The following MOCS2 variants were observed in gnomAD, a reference collection of about 807,000 sequenced individuals.
MOCS2 encodes molybdopterin synthase catalytic subunit.
Under a neutral mutation model 21.9 loss-of-function variants are expected in MOCS2, and 13 were observed. The ratio of observed to expected loss-of-function variants is 0.59; its 90% CI spans 0.39 to 0.94. MOCS2 has a LOEUF of 0.94. MOCS2 is among the 40% of genes least tolerant of loss of function. The pLI is 0.00. For missense variants in MOCS2, 227 were observed against 218.3 expected, an observed-to-expected ratio of 1.04 and a Z score of -0.25; for synonymous variants, 92 against 80.8, an observed-to-expected ratio of 1.14 and a Z score of -0.74.
At chr5:53,099,452 C>T (rs1740844855) in intron 6 of MOCS2, among the ~76,000 whole-genome samples, 1 of 152,194 alleles carries the variant, frequency 6.6e-6, no homozygotes, top group Non-Finnish European at 1.5e-5. Flanking sequence ...CTCTGGGGGC[C>T]TGCCTCCTGT....
In MOCS2 at chr5:53,109,567, G is replaced by GGGGGCT; in HGVS notation, c.-487_-486insAGCCCC. 7.1e-7 allele frequency: 1 copy of GGGGGCT among 1,408,210 alleles called. No individual in the cohort carries two copies. Among genetic ancestry groups the GGGGGCT allele is most frequent in the Non-Finnish European group, 9.3e-7 (1 of 1,080,722 alleles). The allele number at this position is 1,408,210 out of a possible 1,614,324, so 87.2% of individuals were successfully genotyped here. A position where few individuals can be genotyped will look rare whatever the true frequency, so the allele number is the denominator to read the frequency against. ...AGGGCCCGGGGGCGGGGGCGGGGGC[G>GGGGGCT]CCCCCGAACCCAAGACGCCGGCCAG... On this transcript the variant is annotated 5_prime_UTR_variant, in exon 1 of 7. Transcript: ENST00000396954.
At position 53,098,652 on chromosome 5, in the gene MOCS2, A is replaced by C. The variant is rs1740821638; in HGVS notation, c.517T>G (p.Ser173Ala). The change falls in exon 7 of 7, where the codon TCA (serine) becomes GCA (alanine). Residue 173 changes from serine to alanine, a missense_variant. Coordinates refer to ENST00000396954, the MANE Select transcript of MOCS2 (RefSeq NM_004531.5). ...PIWKKEIYEE[S>A]STWKGNKECF... The stretch of plus-strand genomic sequence containing the variant: ...TCTTTGTTTCCTTTCCAAGTTGATG[A>C]CTCTTCGTATATTTCCTAAAAAACA... The C allele has an allele frequency of 6.2e-7, 1 of 1,613,578 alleles. No homozygotes were observed. Among genetic ancestry groups the C allele is most frequent in the Non-Finnish European group, 8.5e-7 (1 of 1,179,582 alleles).
chr5:53,098,557 A>G lies in MOCS2; in HGVS notation c.*45T>C, dbSNP rs758693546. 31 of 1,512,608 alleles carry G rather than the reference A, an allele frequency of 2.0e-5. No individual in the cohort carries two copies. Among genetic ancestry groups the G allele is most frequent in the Non-Finnish European group, 2.8e-5 (30 of 1,087,788 alleles). 93.7% of individuals were successfully genotyped at this position (1,512,608 alleles called of 1,614,324 possible). ...AAAAATCAAAATGTGATCAATAATA[A>G]TAGTTTAACAAAGTTAAGATTGCAT... On this transcript the variant is annotated 3_prime_UTR_variant, in exon 7 of 7. Coordinates refer to ENST00000396954, the MANE Select transcript of MOCS2 (RefSeq NM_004531.5).
intron 2 of MOCS2, chr5:53,107,483 A>G: frequency 4.5e-6 from 2 of 446,040 alleles, no homozygotes; most frequent in South Asian, 5.0e-5. Context: ...AAAATGCACA[A>G]AAAACCCACC....
chr5:53,109,492 A>C lies in MOCS2; in HGVS notation c.-411T>G. ...GCCGTGAGCTGACAAGAGTTCTCGGAGAGGACCCGACTTCTGCTGGGGCAG... is the reference window on the plus strand; with the variant it reads ...GCCGTGAGCTGACAAGAGTTCTCGGCGAGGACCCGACTTCTGCTGGGGCAG... On this transcript the variant is annotated 5_prime_UTR_variant, in exon 1 of 7. Transcript: ENST00000396954. The C allele has an allele frequency of 7.5e-7, 1 of 1,324,524 alleles. No individual in the cohort carries two copies. The highest frequency in any genetic ancestry group is 9.6e-7 in the Non-Finnish European group (1 of 1,041,328). 82.0% of individuals were successfully genotyped at this position (1,324,524 alleles called of 1,614,324 possible). A position where few individuals can be genotyped will look rare whatever the true frequency, so the allele number is the denominator to read the frequency against.
In MOCS2 at chr5:53,108,611, T is replaced by C; in HGVS notation, c.-137A>G. On this transcript the variant is annotated 5_prime_UTR_variant, in exon 2 of 7. Coordinates refer to ENST00000396954, the MANE Select transcript of MOCS2 (RefSeq NM_004531.5). Reference sequence around the variant, plus strand: ...TGGTCTCTGAACGAACTCCTGTTATTTCAGCACTTTTTGCAAAATACAATA... The same window carrying C: ...TGGTCTCTGAACGAACTCCTGTTATCTCAGCACTTTTTGCAAAATACAATA... 1 of 1,613,700 alleles carries C rather than the reference T, an allele frequency of 6.2e-7. No homozygotes were observed. Among genetic ancestry groups the C allele is most frequent in the South Asian group, 1.1e-5 (1 of 91,044 alleles).
At position 53,098,490 on chromosome 5, in the gene MOCS2, T is replaced by G; in HGVS notation, c.*112A>C. 3.3e-6 allele frequency: 3 copies of G among 907,760 alleles called. No homozygotes were observed. In the South Asian group the frequency reaches 4.0e-5, roughly 12 times the overall value. The allele number at this position is 907,760 out of a possible 1,614,324, so 56.2% of individuals were successfully genotyped here. The stretch of plus-strand genomic sequence containing the variant: ...TTTTCTCCCTTTTGTCCCACTAGTA[T>G]AAGAGATTGTGCTTCAGTAAACTAT... On this transcript the variant is annotated 3_prime_UTR_variant, in exon 7 of 7. Coordinates refer to ENST00000396954, the MANE Select transcript of MOCS2 (RefSeq NM_004531.5).
chr5:53,109,474 G>A lies in MOCS2; in HGVS notation c.-393C>T. ...AACGAGTCCGTCCTTGCTGCCGTGA[G>A]CTGACAAGAGTTCTCGGAGAGGACC... On this transcript the variant is annotated 5_prime_UTR_variant, in exon 1 of 7. Coordinates refer to ENST00000396954, the MANE Select transcript of MOCS2 (RefSeq NM_004531.5). 1 of 1,307,956 alleles carries A rather than the reference G, an allele frequency of 7.6e-7. No individual in the cohort carries two copies. Among genetic ancestry groups the A allele is most frequent in the Non-Finnish European group, 9.7e-7 (1 of 1,031,010 alleles). 81.0% of individuals were successfully genotyped at this position (1,307,956 alleles called of 1,614,324 possible).
chr5:53,108,372 G>A, intron 2 of MOCS2, 150 bp downstream of exon 2: 1 of 731,914 alleles, frequency 1.4e-6, no homozygotes, highest in Non-Finnish European at 2.2e-6. Flanking sequence ...TGCACATTTA[G>A]AGTTTTTCAG....
rs774748072 is a variant in MOCS2, at chr5:53,104,206, C to T, written c.99-1982G>A. Among the ~76,000 whole-genome samples, 191 of 152,146 alleles carry T rather than the reference C, an allele frequency of 1.3e-3. 2 individuals carry two copies. The highest frequency in any genetic ancestry group is 3.5e-4 in the Non-Finnish European group (24 of 68,030). On this transcript the variant is annotated intron_variant, in intron 3 of 6. Transcript: ENST00000396954. ...ACCACTGGATTCCAGGATTTTTCAT[C>T]TGCTACACAAGCCGCCTAAGTGTCT...
chr5:53,099,026 C>T (rs1026006475), intron 6 of MOCS2, among the ~76,000 whole-genome samples: 1 of 152,186 alleles, frequency 6.6e-6, no homozygotes, highest in Non-Finnish European at 1.5e-5. Flanking sequence ...CTCTACCTAC[C>T]TGCCACCCTT....
intron 6 of MOCS2, 90 bp downstream of exon 6, chr5:53,100,321 T>G: frequency 6.9e-7 from 1 of 1,440,332 alleles, no homozygotes; most frequent in Non-Finnish European, 9.7e-7. Flanking sequence ...CTACAGTCAG[T>G]AAAAAGTCCA....
intron 5 of MOCS2, chr5:53,100,922 T>C (rs1740891432): frequency 6.7e-6 from 2 of 297,684 alleles, no homozygotes; most frequent in East Asian, 8.6e-5. Context: ...GGAGTGATAA[T>C]AACCATTAAT....
At chr5:53,104,280 A>G (rs1740995340) in intron 3 of MOCS2, among the ~76,000 whole-genome samples, 1 of 152,214 alleles carries the variant, frequency 6.6e-6, no homozygotes, top group South Asian at 2.1e-4. Context: ...AATATGGTCT[A>G]CGAGTTTCAA....
intron 3 of MOCS2, among the ~76,000 whole-genome samples, chr5:53,103,742 T>G (rs555187414): frequency 1.3e-5 from 2 of 152,292 alleles, no homozygotes; most frequent in South Asian, 4.1e-4. Context: ...GGATAACTTA[T>G]GGAAGTAAAT....
chr5:53,101,597 T>C, intron 4 of MOCS2, 88 bp from the exon 5 acceptor site: 1 of 972,250 alleles, frequency 1.0e-6, no homozygotes, highest in Non-Finnish European at 1.6e-6. Flanking sequence ...AAAAGGAATA[T>C]TTTTAATAGT....
In MOCS2 at chr5:53,107,074, T is replaced by C. The variant is rs200161553; in HGVS notation, c.98+3A>G. ...CTGATTAAGAAAAACAAATCTCACA[T>C]ACCTAGATGGCTCAAAAGCACTATC... is the stretch of plus-strand genomic sequence containing the variant. On this transcript the variant is annotated splice_donor_region_variant and intron_variant, in intron 3 of 6. Transcript: ENST00000396954. 6 of 1,614,036 alleles carry C rather than the reference T, an allele frequency of 3.7e-6. No individual in the cohort carries two copies.
chr5:53,109,695 A>G lies in MOCS2; in HGVS notation c.-614T>C. 6.4e-7 allele frequency: 1 copy of G among 1,552,228 alleles called. No individual in the cohort carries two copies. The highest frequency in any genetic ancestry group is 8.7e-7 in the Non-Finnish European group (1 of 1,147,830). ...GGGCTCCGCACCCAGGCCCGCACGC[A>G]CACCCGCCACCCTTACCTGGCACAG... On this transcript the variant is annotated 5_prime_UTR_variant, in exon 1 of 7. Coordinates refer to ENST00000396954, the MANE Select transcript of MOCS2 (RefSeq NM_004531.5).
At chr5:53,100,314 C>A in intron 6 of MOCS2, 97 bp downstream of exon 6, 2 of 1,330,644 alleles carry the variant, frequency 1.5e-6, no homozygotes, top group Non-Finnish European at 2.2e-6. Flanking sequence ...CAAGATACTA[C>A]AGTCAGTAAA....
Sources: allele counts gnomAD v4.1 joint callset (sites outside exome capture counted in the v4.1 genomes callset), GRCh38; gene constraint gnomAD v4.1.1; transcripts MANE v1.5; gene names NCBI Gene and HGNC (gene_info 2026-07-23, HGNC 2026-07-21).